HSPG2: variants seen among roughly 807,000 people sequenced by gnomAD.
HSPG2 encodes basement membrane-specific heparan sulfate proteoglycan core protein.
In HSPG2, 278 loss-of-function variants were observed where a neutral mutation model predicts 526.6. The ratio of observed to expected loss-of-function variants is 0.53; its 90% CI spans 0.48 to 0.58. The LOEUF (loss-of-function observed/expected upper bound fraction) is 0.58, where lower values mean the gene tolerates loss of function less well. Among genes scored for constraint, HSPG2 ranks in the 20% least tolerant of loss-of-function variants. HSPG2 has a pLI of 0.00. For synonymous variants in HSPG2, 2,465 were observed against 2,555.4 expected (o/e 0.96, Z 1.07); for missense variants, 5,354 against 6,099.5 (o/e 0.88, Z 4.07).
In HSPG2 at chr1:21,845,370, G is replaced by GTTTA. The variant is rs920014461; in HGVS notation, c.8464+734_8464+737dup. Among the ~76,000 whole-genome samples the GTTTA allele has an allele frequency of 1.8e-4, 28 of 152,192 alleles. 1 individual carries two copies. Among genetic ancestry groups the GTTTA allele is most frequent in the Admixed American group, 5.9e-4 (9 of 15,276 alleles). On this transcript the variant is annotated intron_variant, in intron 64 of 96. Transcript: ENST00000374695. ...ATATGCCACCAGTACTAATAAAGAT[G>GTTTA]TTTATTTATTTATTTATTTATTTTT... is the stretch of plus-strand genomic sequence containing the variant.
Position 21,824,028 on chromosome 1 carries a change from G to T in HSPG2, c.12899+93C>A. The stretch of plus-strand genomic sequence containing the variant: ...TGGCTTCAAGTTCTGTCTCCACAGA[G>T]CTCAATACCTGCCTCTCTGCCCATG... On this transcript the variant is annotated intron_variant, in intron 95 of 96. Coordinates refer to ENST00000374695, the MANE Select transcript of HSPG2 (RefSeq NM_005529.7). The surrounding 1 kb of genome is among the most constrained non-coding windows in gnomAD (Gnocchi z 5.9). The T allele has an allele frequency of 1.6e-6, 2 of 1,219,808 alleles. No homozygotes were observed. Among genetic ancestry groups the T allele is most frequent in the Non-Finnish European group, 2.4e-6 (2 of 845,380 alleles). The allele number at this position is 1,219,808 out of a possible 1,614,324, so 75.6% of individuals were successfully genotyped here.
chr1:21,848,829 C>T lies in HSPG2; in HGVS notation c.7586-35G>A. 1.2e-6 allele frequency: 2 copies of T among 1,613,222 alleles called. No individual in the cohort carries two copies. The highest frequency in any genetic ancestry group is 1.7e-6 in the Non-Finnish European group (2 of 1,179,936). ...TGAGATGTAAGGCAGGGTGTGGGAG[C>T]TGCTGAGGGTGCAGTCGGGGTCCCC... On this transcript the variant is annotated intron_variant, in intron 58 of 96. Coordinates refer to ENST00000374695, the MANE Select transcript of HSPG2 (RefSeq NM_005529.7). This position sits in a 1 kb window ranked among gnomAD's most constrained non-coding sequence, Gnocchi z 4.9.
chr1:21,928,798 G>A (rs1357133405), intron 1 of HSPG2, among the ~76,000 whole-genome samples: 2 of 141,314 alleles, frequency 1.4e-5, no homozygotes, highest in Non-Finnish European at 3.1e-5. Flanking sequence ...TGCTCAGGCT[G>A]GAGTGCAATG....
Position 21,884,824 on chromosome 1 carries a change from C to T in HSPG2, c.1450G>A (p.Ala484Thr), listed in dbSNP as rs1266949028. Residue 484 changes from alanine to threonine, a missense_variant, in exon 12 of 97, where the codon GCC becomes ACC. Ala to Thr is a moderately conservative substitution (Grantham distance 58, BLOSUM62 0). Transcript: ENST00000374695. ...GGAATGCCAAACACCATGCCCCGGG[C>T]GTTCATGGCCTCACAGGTGTAGGCA... is the stretch of plus-strand genomic sequence containing the variant. ...QGAYTCEAMN[A>T]RGMVFGIPDG... The T allele has an allele frequency of 7.6e-5, 123 of 1,613,842 alleles. No homozygotes were observed. The highest frequency in any genetic ancestry group is 3.3e-4 in the Middle Eastern group (2 of 6,062).
At position 21,872,625 on chromosome 1, in the gene HSPG2, G is replaced by A. The variant is rs1640741237; in HGVS notation, c.4024C>T (p.His1342Tyr). ...TGGGCAGCACAGGCTCTCACCAGGT[G>A]GCGTGTGTAGGCAGAGCTGGCGCAC... ...QQCASSAYTRHLISTHFAPGD... is the reference protein window; with the variant it reads ...QQCASSAYTRYLISTHFAPGD... The change falls in exon 32 of 97, where the codon CAC becomes TAC. Residue 1342 changes from histidine (H) to tyrosine (Y), a missense_variant. By Grantham distance (83) the His-to-Tyr change is moderately conservative. Transcript: ENST00000374695. The surrounding 1 kb of genome is among the most constrained non-coding windows in gnomAD (Gnocchi z 5.5). 1 of 1,586,072 alleles carries A rather than the reference G, an allele frequency of 6.3e-7. No homozygotes were observed.
intron 1 of HSPG2, chr1:21,908,470 TG>T: frequency 1.2e-6 from 1 of 830,364 alleles, no homozygotes; most frequent in Non-Finnish European, 2.1e-6. Flanking sequence ...GAAAGGTACC[TG>T]GGTTCAACTA....
At position 21,824,477 on chromosome 1, in the gene HSPG2, C is replaced by T; in HGVS notation, c.12744+60G>A. The T allele has an allele frequency of 6.2e-7, 1 of 1,602,402 alleles. No individual in the cohort carries two copies. The highest frequency in any genetic ancestry group is 8.5e-7 in the Non-Finnish European group (1 of 1,171,676). On this transcript the variant is annotated intron_variant, in intron 93 of 96. Transcript: ENST00000374695. This position sits in a 1 kb window ranked among gnomAD's most constrained non-coding sequence, Gnocchi z 5.9. ...TCCCCTCCCCCCACCACTCCGGCCA[C>T]CAGGAAGCCAGCTTCCTGCCCCAGG...
In HSPG2 at chr1:21,865,936, G is replaced by GC. The variant is rs1032145867; in HGVS notation, c.4222-128dup. 8.2e-6 allele frequency: 6 copies of GC among 729,070 alleles called. No homozygotes were observed. Among genetic ancestry groups the GC allele is most frequent in the African/African-American group, 7.2e-5 (4 of 55,594 alleles). The allele number at this position is 729,070 out of a possible 1,614,324, so 45.2% of individuals were successfully genotyped here. The stretch of plus-strand genomic sequence containing the variant: ...GCCACACTCCCCCACCCCCCTCCCT[G>GC]CCCAAACCAAGAGGCCAGGGTGCAT... On this transcript the variant is annotated intron_variant, in intron 33 of 96. Transcript: ENST00000374695. This position sits in a 1 kb window ranked among gnomAD's most constrained non-coding sequence, Gnocchi z 5.4.
At position 21,848,036 on chromosome 1, in the gene HSPG2, C is replaced by T. The variant is rs1638589981; in HGVS notation, c.7795G>A (p.Val2599Met). The change falls in exon 60 of 97, where the codon GTG (valine) becomes ATG (methionine). Residue 2599 changes from valine (V) to methionine (M), a missense_variant. Val to Met is a conservative substitution (Grantham distance 21). Coordinates refer to ENST00000374695, the MANE Select transcript of HSPG2 (RefSeq NM_005529.7). This position sits in a 1 kb window ranked among gnomAD's most constrained non-coding sequence, Gnocchi z 4.9. ...CCTGCACCGTTACTGACGTGACACA[C>T]GTACTCGCCCGAGTCTGCCGGAGTC... ...QVTPADSGEYVCHVSNGAGSR... is the reference protein window; with the variant it reads ...QVTPADSGEYMCHVSNGAGSR... 5.6e-6 allele frequency: 9 copies of T among 1,613,462 alleles called. No homozygotes were observed. The highest frequency in any genetic ancestry group is 1.6e-4 in the Middle Eastern group (1 of 6,062).
At chr1:21,926,869 G>A (rs898026910) in intron 1 of HSPG2, among the ~76,000 whole-genome samples, 3 of 152,072 alleles carry the variant, frequency 2.0e-5, no homozygotes, top group African/African-American at 7.2e-5. Context: ...AGCCCAGTAA[G>A]GGATCCAAGA....
intron 64 of HSPG2, among the ~76,000 whole-genome samples, chr1:21,845,241 G>A (rs555808721): frequency 3.0e-4 from 45 of 151,772 alleles, no homozygotes; most frequent in Non-Finnish European, 4.1e-4. Context: ...GCAAGACTCC[G>A]TCTCAAAACA....
At chr1:21,832,361 G>A (rs1288148036) in intron 81 of HSPG2, 134 bp downstream of exon 81, 7 of 719,710 alleles carry the variant, frequency 9.7e-6, no homozygotes, top group Non-Finnish European at 1.7e-5. Flanking sequence ...AGCAGATTGG[G>A]TGGTCACCAA....
At chr1:21,888,597 C>T (rs1387058759) in intron 6 of HSPG2, 3 of 1,192,468 alleles carry the variant, frequency 2.5e-6, no homozygotes, top group African/African-American at 3.1e-5. Flanking sequence ...TGAGCCCCTG[C>T]ACCCGGCCTC....
At position 21,850,447 on chromosome 1, in the gene HSPG2, C is replaced by T. The variant is rs139284792; in HGVS notation, c.7210G>A (p.Glu2404Lys). 7.4e-6 allele frequency: 12 copies of T among 1,611,654 alleles called. No individual in the cohort carries two copies. In the African/African-American group the frequency reaches 9.3e-5, roughly 13 times the overall value. Residue 2404 changes from glutamate to lysine, a missense_variant, in exon 56 of 97, where the codon GAG becomes AAG. Glu to Lys is a moderately conservative substitution (Grantham distance 56). Coordinates refer to ENST00000374695, the MANE Select transcript of HSPG2 (RefSeq NM_005529.7). ...CTGCCCAACACTCGGCACACGTACT[C>T]GCCCGAGTCGGCGGGGGACGCTTGG... Reference protein sequence around the residue: ...LYQASPADSGEYVCRVLGSSV... With the variant: ...LYQASPADSGKYVCRVLGSSV...
chr1:21,900,916 C>T (rs1643066095), intron 1 of HSPG2, among the ~76,000 whole-genome samples: 1 of 151,876 alleles, frequency 6.6e-6, no homozygotes, highest in Non-Finnish European at 1.5e-5. Flanking sequence ...TCATTGGGTG[C>T]CAAGCCCTGA....
At position 21,855,908 on chromosome 1, in the gene HSPG2, C is replaced by G. The variant is rs145405383; in HGVS notation, c.5580G>C (p.Ser1860=). ...QGTATLHVQA[S]GTLSAPVVSI... ...AGACCACGGGGGCGGACAAGGTGCC[C>G]GAGGCTGACAAGGGAGGAAAAGGAA... The change falls in exon 45 of 97, where the codon TCG becomes TCC. Residue 1860 remains serine, a synonymous_variant. Transcript: ENST00000374695. The G allele has an allele frequency of 2.5e-6, 4 of 1,609,072 alleles. No homozygotes were observed. In the African/African-American group the frequency reaches 5.3e-5, roughly 21 times the overall value.
rs779878279 is a variant in HSPG2, at chr1:21,872,890, G to T, written c.3888+107C>A. ...GCCCCTGCCCTGTCCCCCATGCCCT[G>T]CCCCCCATGCCCAGGTCTCGGCTTC... On this transcript the variant is annotated intron_variant, in intron 31 of 96. Transcript: ENST00000374695. This position sits in a 1 kb window ranked among gnomAD's most constrained non-coding sequence, Gnocchi z 5.5. 2 of 1,525,744 alleles carry T rather than the reference G, an allele frequency of 1.3e-6. No homozygotes were observed. The highest frequency in any genetic ancestry group is 1.8e-6 in the Non-Finnish European group (2 of 1,101,254). The allele number at this position is 1,525,744 out of a possible 1,614,324, so 94.5% of individuals were successfully genotyped here.
Position 21,852,104 on chromosome 1 carries a change from A to G in HSPG2, c.6854T>C (p.Leu2285Pro). 1 of 1,613,522 alleles carries G rather than the reference A, an allele frequency of 6.2e-7. No homozygotes were observed. Among genetic ancestry groups the G allele is most frequent in the African/African-American group, 1.3e-5 (1 of 74,998 alleles). ...GCCCTGTACCTGGTGCCGGGCAGGG[A>G]GGCTGCCCCCACGCTTGTACCATGT... ...QVTWYKRGGS[L>P]PARHQVRGSR... The change falls in exon 53 of 97, where the codon CTC becomes CCC. Residue 2285 changes from leucine (L) to proline (P), a missense_variant. Coordinates refer to ENST00000374695, the MANE Select transcript of HSPG2 (RefSeq NM_005529.7).
Position 21,831,364 on chromosome 1 carries a change from T to A in HSPG2, c.11453-40A>T, listed in dbSNP as rs747826326. ...GGCAGGATGAGCACAGGGCAGGGTG[T>A]CCCAGCCCATACCCTGAGGTGCCCT... On this transcript the variant is annotated intron_variant, in intron 83 of 96. Coordinates refer to ENST00000374695, the MANE Select transcript of HSPG2 (RefSeq NM_005529.7). The A allele has an allele frequency of 4.8e-5, 76 of 1,595,412 alleles. No individual in the cohort carries two copies. The African/African-American group carries it at 9.8e-4, about 21-fold the overall frequency.
Sources: gnomAD v4.1 joint callset for allele counts (sites outside exome capture counted in the v4.1 genomes callset) on GRCh38, gnomAD v4.1.1 for gene constraint, Gnocchi (gnomAD v3.1) non-coding constraint, MANE v1.5 for transcripts, NCBI Gene and HGNC (gene_info 2026-07-23, HGNC 2026-07-21) for gene names.